LINGO2: variants seen among roughly 807,000 people sequenced by gnomAD.
LINGO2 encodes leucine-rich repeat and immunoglobulin-like domain-containing nogo receptor-interacting protein 2.
Under a neutral mutation model 30.6 loss-of-function variants are expected in LINGO2, and 14 were observed. The observed-to-expected ratio is 0.46, with a 90% CI of 0.30 to 0.72. The LOEUF (loss-of-function observed/expected upper bound fraction) is 0.72, where lower values mean the gene tolerates loss of function less well. Among genes scored for constraint, LINGO2 ranks in the 30% least tolerant of loss-of-function variants. The probability of loss-of-function intolerance (pLI) is 0.07; values close to 1 mark genes in which losing one functional copy is unlikely to be tolerated. For missense variants in LINGO2, 729 were observed against 751.7 expected, an observed-to-expected ratio of 0.97 and a Z score of 0.35; for synonymous variants, 317 against 288.5, an observed-to-expected ratio of 1.10 and a Z score of -1.00.
intron 2 of LINGO2, among the ~76,000 whole-genome samples, chr9:28,440,008 C>G (rs935747252): frequency 1.3e-5 from 2 of 152,106 alleles, no homozygotes; most frequent in Non-Finnish European, 2.9e-5. Flanking sequence ...TGCTGTTAGA[C>G]TCTGAAATTT....
intron 4 of LINGO2, among the ~76,000 whole-genome samples, chr9:28,073,478 C>G (rs966666331): frequency 6.6e-6 from 1 of 152,100 alleles, no homozygotes; most frequent in East Asian, 1.9e-4. Context: ...CTCCCAGTTT[C>G]CATAACTATG....
the LINGO2 span, among the ~76,000 whole-genome samples, chr9:28,905,115 T>C: frequency 2.2e-4 from 34 of 151,912 alleles, no homozygotes; most frequent in Non-Finnish European, 4.6e-4. Context: ...ACATGATATA[T>C]AAAAATCAAC....
chr9:28,686,267 T>G, the LINGO2 span, among the ~76,000 whole-genome samples: 1 of 152,062 alleles, frequency 6.6e-6, no homozygotes, highest in Admixed American at 6.6e-5. Flanking sequence ...CTTGACCAGA[T>G]GATTTTGTAA....
intron 4 of LINGO2, among the ~76,000 whole-genome samples, chr9:28,142,274 C>A (rs990540264): frequency 1.3e-5 from 2 of 150,450 alleles, no homozygotes; most frequent in Non-Finnish European, 3.0e-5. Context: ...AAGAGAAAAG[C>A]AATAAAACCA....
chr9:28,714,127 A>G, the LINGO2 span, among the ~76,000 whole-genome samples: 1 of 149,314 alleles, frequency 6.7e-6, no homozygotes, highest in African/African-American at 2.5e-5. Flanking sequence ...CCACTGCACT[A>G]CAGCCTGGGT....
chr9:28,695,464 C>T, the LINGO2 span, among the ~76,000 whole-genome samples: 1 of 151,716 alleles, frequency 6.6e-6, no homozygotes, highest in East Asian at 1.9e-4. Context: ...AAAGGTTGTT[C>T]CACACAATTT....
intron 2 of LINGO2, among the ~76,000 whole-genome samples, chr9:28,401,929 A>G (rs889796486): frequency 5.9e-5 from 9 of 152,122 alleles, no homozygotes; most frequent in Admixed American, 2.6e-4. Context: ...CCCTATAAAT[A>G]TCTTCTTTTG....
chr9:28,970,006 C>A, the LINGO2 span, among the ~76,000 whole-genome samples: 13 of 152,110 alleles, frequency 8.5e-5, no homozygotes, highest in Non-Finnish European at 8.8e-5. Context: ...GATTCATCAG[C>A]ATATACTTCG....
At chr9:28,665,069 A>C (rs1219788920) in intron 1 of LINGO2, among the ~76,000 whole-genome samples, 1 of 145,252 alleles carries the variant, frequency 6.9e-6, no homozygotes, top group African/African-American at 2.5e-5. Flanking sequence ...GTACTCAATA[A>C]AGATTTAGCA....
At chr9:29,030,149 G>T in the LINGO2 span, among the ~76,000 whole-genome samples, 2 of 151,982 alleles carry the variant, frequency 1.3e-5, no homozygotes, top group Non-Finnish European at 2.9e-5. Context: ...GGATTGCCAA[G>T]TCTAAACATA....
At chr9:28,192,274 T>C (rs1819849927) in intron 4 of LINGO2, among the ~76,000 whole-genome samples, 1 of 152,098 alleles carries the variant, frequency 6.6e-6, no homozygotes, top group Non-Finnish European at 1.5e-5. Flanking sequence ...ACATTTTATA[T>C]ACATATGTAT....
intron 2 of LINGO2, among the ~76,000 whole-genome samples, chr9:28,447,906 C>T (rs967293395): frequency 6.6e-6 from 1 of 152,110 alleles, no homozygotes; most frequent in African/African-American, 2.4e-5. Flanking sequence ...TATCCTTTGA[C>T]ATCTTTGTGG....
chr9:28,528,822 A>G (rs7871835), intron 1 of LINGO2, among the ~76,000 whole-genome samples: 5,788 of 151,966 alleles, frequency 0.038, 324 homozygotes, highest in African/African-American at 0.12. Flanking sequence ...ACATATATGT[A>G]TGTGTTTGTG....
intron 5 of LINGO2, among the ~76,000 whole-genome samples, chr9:28,002,293 A>C (rs1444642267): frequency 6.8e-6 from 1 of 147,304 alleles, no homozygotes; most frequent in African/African-American, 2.5e-5. Context: ...CTCGTATTTC[A>C]ATTTGTTTCA....
intron 1 of LINGO2, among the ~76,000 whole-genome samples, chr9:28,640,885 A>G (rs933561643): frequency 6.6e-6 from 1 of 152,132 alleles, no homozygotes; most frequent in African/African-American, 2.4e-5. Context: ...ACGTTCCTTT[A>G]GAGGAGGAGA....
intron 4 of LINGO2, among the ~76,000 whole-genome samples, chr9:28,240,197 T>C (rs1302807560): frequency 1.3e-5 from 2 of 152,070 alleles, no homozygotes; most frequent in African/African-American, 2.4e-5. Context: ...AAAATATCCA[T>C]ACTACACAAA....
chr9:28,024,841 G>A (rs975642408), intron 4 of LINGO2, among the ~76,000 whole-genome samples: 2 of 152,166 alleles, frequency 1.3e-5, no homozygotes, highest in African/African-American at 4.8e-5. Context: ...CATCTGAGCA[G>A]CATTTGAGCA....
In LINGO2 at chr9:28,329,899, C is replaced by A. The variant is rs537347043; in HGVS notation, c.-245-34533G>T. 6.6e-6 allele frequency among the ~76,000 whole-genome samples: 1 copy of A among 152,232 alleles called. No individual in the cohort carries two copies. Among genetic ancestry groups the A allele is most frequent in the African/African-American group, 2.4e-5 (1 of 41,534 alleles). On this transcript the variant is annotated intron_variant, in intron 3 of 5. Coordinates refer to ENST00000379992, the Ensembl canonical transcript of LINGO2. This position sits in a 1 kb window ranked among gnomAD's most constrained non-coding sequence, Gnocchi z 4.5. ...TTTATTTGTCTATTTGTGTATTTAG[C>A]TCTTCCAATAGACACTTTCTTTTAA...
intron 4 of LINGO2, among the ~76,000 whole-genome samples, chr9:28,194,936 ATAGAG>A (rs747029405): frequency 3.9e-5 from 6 of 152,074 alleles, no homozygotes; most frequent in Non-Finnish European, 7.4e-5. Flanking sequence ...TACTAAATAT[ATAGAG>A]TAATTACTGA....
Sources: gnomAD v4.1 joint callset for allele counts (sites outside exome capture counted in the v4.1 genomes callset) on GRCh38, gnomAD v4.1.1 for gene constraint, Gnocchi (gnomAD v3.1) non-coding constraint, MANE v1.5 for transcripts, NCBI Gene and HGNC (gene_info 2026-07-23, HGNC 2026-07-21) for gene names.